Variants in PIAS4 observed in about 807,000 individuals in gnomAD.
PIAS4 encodes the protein E3 SUMO-protein ligase PIAS4.
PIAS4 carries 7 observed loss-of-function variants against 58.0 expected under a neutral mutation model. The ratio of observed to expected loss-of-function variants is 0.12; its 90% CI spans 0.07 to 0.23. PIAS4 has a LOEUF of 0.23. Ranked by LOEUF, PIAS4 falls within the 10% of genes least tolerant of loss-of-function variation. The probability of loss-of-function intolerance (pLI) is 1.00; values close to 1 mark genes in which losing one functional copy is unlikely to be tolerated. For missense variants in PIAS4, 550 were observed against 709.5 expected (o/e 0.78, Z 2.55); for synonymous variants, 364 against 312.4 (o/e 1.17, Z -1.74).
intron 2 of PIAS4, among the ~76,000 whole-genome samples, chr19:4,022,653 A>G (rs1599222819): frequency 6.6e-6 from 1 of 151,326 alleles, no homozygotes. Flanking sequence ...GGCGTGAGCC[A>G]CCGCGCCTGG....
Position 4,038,336 on chromosome 19 carries a change from T to A in PIAS4, c.*461T>A, listed in dbSNP as rs1307437547. Reference sequence around the variant, plus strand: ...TCTCTGGCGACCACTTTGACGTTTGTCTCTTCCTTTGCTTTTTCTCTGCAA... The same window carrying A: ...TCTCTGGCGACCACTTTGACGTTTGACTCTTCCTTTGCTTTTTCTCTGCAA... On this transcript the variant is annotated 3_prime_UTR_variant, in exon 11 of 11. Transcript: ENST00000262971. This position sits in a 1 kb window ranked among gnomAD's most constrained non-coding sequence, Gnocchi z 4.1. The A allele has an allele frequency of 6.6e-6, 1 of 152,356 alleles. No homozygotes were observed. Among genetic ancestry groups the A allele is most frequent in the Non-Finnish European group, 1.5e-5 (1 of 68,320 alleles). 9.4% of individuals were successfully genotyped at this position (152,356 alleles called of 1,614,324 possible).
intron 2 of PIAS4, among the ~76,000 whole-genome samples, chr19:4,015,802 G>T (rs1028728866): frequency 6.6e-6 from 1 of 152,210 alleles, no homozygotes; most frequent in Non-Finnish European, 1.5e-5. Context: ...CACCGCTCTG[G>T]TCTGTTTCCC....
rs184766179 is a variant in PIAS4 at position 4,036,995 on chromosome 19, A to G, written c.1143-379A>G. Among the ~76,000 whole-genome samples the G allele has an allele frequency of 2.4e-3, 370 of 152,140 alleles. 2 individuals are homozygous for G. Among genetic ancestry groups the G allele is most frequent in the African/African-American group, 7.9e-3 (327 of 41,558 alleles). On this transcript the variant is annotated intron_variant, in intron 9 of 10. Coordinates refer to ENST00000262971, the MANE Select transcript of PIAS4 (RefSeq NM_015897.4). ...CACACGCACATGCTCGCACACATGC[A>G]CAGATACACTCACGTCCACACACGC...
chr19:4,036,379 T>TACAA (rs1407332372), intron 9 of PIAS4, among the ~76,000 whole-genome samples: 3 of 111,872 alleles, frequency 2.7e-5, no homozygotes, highest in Admixed American at 9.3e-5. Flanking sequence ...CACACCGTCA[T>TACAA]ACACACACAC....
chr19:4,036,458 A>G (rs2040287841), intron 9 of PIAS4, among the ~76,000 whole-genome samples: 1 of 140,462 alleles, frequency 7.1e-6, no homozygotes, highest in South Asian at 2.3e-4. Flanking sequence ...ACACATCTAT[A>G]CGGTCCACAC....
At chr19:4,031,488 G>C (rs1166980910) in intron 7 of PIAS4, among the ~76,000 whole-genome samples, 2 of 152,164 alleles carry the variant, frequency 1.3e-5, no homozygotes, top group African/African-American at 4.8e-5. Flanking sequence ...TCTGTGTCCT[G>C]GGTTACCCCG....
In PIAS4 at chr19:4,028,836, G is replaced by T. The variant is rs775291392; in HGVS notation, c.789G>T (p.Gly263=). The change falls in exon 6 of 11, where the codon GGG becomes GGT. Residue 263 remains glycine, a synonymous_variant. Transcript: ENST00000262971. ...SATNRITVTW[G]NYGKSYSVAL... ...CCAACCGCATCACTGTCACCTGGGG[G>T]AACTACGGCAAGGTGAGTGCGTGCC... 6.8e-6 allele frequency: 11 copies of T among 1,613,458 alleles called. No homozygotes were observed. Among genetic ancestry groups the T allele is most frequent in the Non-Finnish European group, 9.3e-6 (11 of 1,179,948 alleles).
chr19:4,012,617 C>T (rs541955273), intron 1 of PIAS4, among the ~76,000 whole-genome samples: 2 of 152,278 alleles, frequency 1.3e-5, no homozygotes, highest in South Asian at 4.1e-4. Flanking sequence ...TTGTCAGTTC[C>T]TGCCCTGGGG....
At chr19:4,035,293 G>A (rs1259882482) in intron 9 of PIAS4, among the ~76,000 whole-genome samples, 1 of 152,116 alleles carries the variant, frequency 6.6e-6, no homozygotes, top group African/African-American at 2.4e-5. Context: ...TAACAGGCCA[G>A]CCTGGGCCCT....
chr19:4,024,437 C>T (rs781637553), intron 3 of PIAS4, among the ~76,000 whole-genome samples: 26 of 152,370 alleles, frequency 1.7e-4, no homozygotes, highest in Non-Finnish European at 3.4e-4. Flanking sequence ...TTCCTCGCCT[C>T]CACCCACGCC....
intron 2 of PIAS4, among the ~76,000 whole-genome samples, chr19:4,019,854 A>C (rs1599220710): frequency 6.6e-6 from 1 of 152,136 alleles, no homozygotes; most frequent in East Asian, 1.9e-4. Flanking sequence ...CATGGGCGGG[A>C]CGTGCAGGCT....
rs2040320891 is a variant in PIAS4, at chr19:4,038,070, C to CA, written c.*202dup. The stretch of plus-strand genomic sequence containing the variant: ...GGGATTAAAAAAAAAAGTAAAATGA[C>CA]AAAAAAAGATACAAAAAAGAAAAAT... On this transcript the variant is annotated 3_prime_UTR_variant, in exon 11 of 11. Coordinates refer to ENST00000262971, the MANE Select transcript of PIAS4 (RefSeq NM_015897.4). This position sits in a 1 kb window ranked among gnomAD's most constrained non-coding sequence, Gnocchi z 4.1. 1 of 537,496 alleles carries CA rather than the reference C, an allele frequency of 1.9e-6. No homozygotes were observed. The highest frequency in any genetic ancestry group is 3.1e-6 in the Non-Finnish European group (1 of 319,384). 33.3% of individuals were successfully genotyped at this position (537,496 alleles called of 1,614,324 possible). A position where few individuals can be genotyped will look rare whatever the true frequency, so the allele number is the denominator to read the frequency against.
At position 4,029,001 on chromosome 19, in the gene PIAS4, T is replaced by C. The variant is rs142374202; in HGVS notation, c.872T>C (p.Ile291Thr). 3.0e-5 allele frequency: 48 copies of C among 1,609,540 alleles called. 1 individual carries two copies. The Admixed American group carries it at 5.2e-4, about 17-fold the overall frequency. ...GAGCTGCTGCAGAGGCTGAAGACCA[T>C]TGGGGTAAAGCACCCGGAGCTGTGC... Reference protein sequence around the residue: ...SSELLQRLKTIGVKHPELCKA... With the variant: ...SSELLQRLKTTGVKHPELCKA... Residue 291 changes from isoleucine (I) to threonine (T), a missense_variant, in exon 7 of 11, where the codon ATT (isoleucine) becomes ACT (threonine). Physicochemically the swap from Ile to Thr is moderately conservative, Grantham distance 89. Around this residue, in one of 4 missense-constraint regions of PIAS4, gnomAD observed 225 missense variants for 345.8 expected, o/e 0.65. Coordinates refer to ENST00000262971, the MANE Select transcript of PIAS4 (RefSeq NM_015897.4).
At chr19:4,010,252 C>A (rs2039979756) in intron 1 of PIAS4, among the ~76,000 whole-genome samples, 1 of 152,218 alleles carries the variant, frequency 6.6e-6, no homozygotes, top group South Asian at 2.1e-4. Flanking sequence ...GCTGGGAAAT[C>A]TGAGTCGTGA....
rs201194193 is a variant in PIAS4, at chr19:4,037,612, G to A, written c.1274-4G>A. ...TACCTGCACCCTGTCCCTGTTGCCC[G>A]TAGGCCCCTCGGACGCCAATGGGCT... On this transcript the variant is annotated splice_polypyrimidine_tract_variant and splice_region_variant and intron_variant, in intron 10 of 10. Coordinates refer to ENST00000262971, the MANE Select transcript of PIAS4 (RefSeq NM_015897.4). The surrounding 1 kb of genome is among the most constrained non-coding windows in gnomAD (Gnocchi z 5.8). 136 of 1,609,444 alleles carry A rather than the reference G, an allele frequency of 8.5e-5. No individual in the cohort carries two copies. Among genetic ancestry groups the A allele is most frequent in the Middle Eastern group, 1.6e-4 (1 of 6,084 alleles).
intron 7 of PIAS4, among the ~76,000 whole-genome samples, chr19:4,031,889 G>A (rs2040226175): frequency 6.6e-6 from 1 of 152,222 alleles, no homozygotes; most frequent in South Asian, 2.1e-4. Flanking sequence ...CCTCCTAGCT[G>A]CCCCTTTGCC....
chr19:4,036,482 T>C (rs2040288576), intron 9 of PIAS4, among the ~76,000 whole-genome samples: 3 of 142,158 alleles, frequency 2.1e-5, no homozygotes, highest in Admixed American at 1.4e-4. Flanking sequence ...CACACATCCA[T>C]ACAGTCCACA....
rs2040244718 is a variant in PIAS4 at position 4,033,514 on chromosome 19, A to G, written c.1076A>G (p.Lys359Arg). The part of the protein sequence containing the change: ...DAVFYLQMNE[K>R]KPTWMCPVCD... ...GTCTTCTACCTGCAGATGAACGAGA[A>G]GAAGCCCACCTGGATGTGCCCCGTG... The change falls in exon 9 of 11, where the codon AAG becomes AGG. Residue 359 changes from lysine to arginine, a missense_variant. Lys to Arg is a conservative substitution (Grantham distance 26). Coordinates refer to ENST00000262971, the MANE Select transcript of PIAS4 (RefSeq NM_015897.4). The G allele has an allele frequency of 6.2e-7, 1 of 1,605,814 alleles. No individual in the cohort carries two copies. The highest frequency in any genetic ancestry group is 8.5e-7 in the Non-Finnish European group (1 of 1,177,192).
In PIAS4 at chr19:4,013,460, A is replaced by AGGGC; in HGVS notation, c.454+115_454+118dup. 4 of 990,486 alleles carry AGGGC rather than the reference A, an allele frequency of 4.0e-6. No homozygotes were observed. In the South Asian group the frequency reaches 6.3e-5, roughly 16 times the overall value. The allele number at this position is 990,486 out of a possible 1,614,324, so 61.4% of individuals were successfully genotyped here. On this transcript the variant is annotated intron_variant, in intron 2 of 10. Coordinates refer to ENST00000262971, the MANE Select transcript of PIAS4 (RefSeq NM_015897.4). This position sits in a 1 kb window ranked among gnomAD's most constrained non-coding sequence, Gnocchi z 5.1. ...GAGTGATGTTCTCTGTGGCGCAGCC[A>AGGGC]GGGCGGGGAGCCACAGTGGCCAGGG...
Sources: gnomAD v4.1 joint callset for allele counts (sites outside exome capture counted in the v4.1 genomes callset) on GRCh38, gnomAD v4.1.1 for gene constraint, gnomAD v4.1.1 regional missense constraint, Gnocchi (gnomAD v3.1) non-coding constraint, MANE v1.5 for transcripts, NCBI Gene and HGNC (gene_info 2026-07-23, HGNC 2026-07-21) for gene names.